The following MYO6 variants were observed in gnomAD, a reference collection of about 807,000 sequenced individuals.
The protein encoded by MYO6 is myosin VI, also known as unconventional myosin-VI.
Under a neutral mutation model 178.7 loss-of-function variants are expected in MYO6, and 74 were observed. The observed-to-expected ratio is 0.41, with a 90% confidence interval of 0.34 to 0.50. The LOEUF is 0.50. Ranked by LOEUF, MYO6 falls within the 20% of genes least tolerant of loss-of-function variation. MYO6 has a pLI of 0.09. For missense variants in MYO6, 1,330 were observed against 1,547.4 expected (o/e 0.86, Z 2.36); for synonymous variants, 477 against 504.6 (o/e 0.95, Z 0.73).
At chr6:75,757,860 A>G (rs1369096731) in intron 1 of MYO6, among the ~76,000 whole-genome samples, 1 of 151,514 alleles carries the variant, frequency 6.6e-6, no homozygotes, top group Non-Finnish European at 1.5e-5. Flanking sequence ...CATAGTGTAC[A>G]TTCATTATTA....
At chr6:75,838,983 T>A (rs116765195) in intron 7 of MYO6, among the ~76,000 whole-genome samples, 2,824 of 151,702 alleles carry the variant, frequency 0.019, 96 homozygotes, top group African/African-American at 0.064. Context: ...TCAGTTTTTT[T>A]ATCCCATCTG....
intron 11 of MYO6, among the ~76,000 whole-genome samples, chr6:75,853,920 A>C: frequency 6.7e-6 from 1 of 148,570 alleles, no homozygotes; most frequent in East Asian, 1.9e-4. Flanking sequence ...AATAGCAACC[A>C]TGTAAGGTAG....
intron 25 of MYO6, among the ~76,000 whole-genome samples, chr6:75,888,328 T>G (rs1465834360): frequency 6.8e-6 from 1 of 146,952 alleles, no homozygotes; most frequent in African/African-American, 2.5e-5. Context: ...TATAAAAAAT[T>G]TGGAGGCCAG....
At chr6:75,850,377 G>A (rs1040769167) in intron 11 of MYO6, among the ~76,000 whole-genome samples, 1 of 152,134 alleles carries the variant, frequency 6.6e-6, no homozygotes, top group South Asian at 2.1e-4. Flanking sequence ...TGAGGTAGGG[G>A]ATATTATCTC....
At chr6:75,874,537 C>G (rs182675852) in intron 20 of MYO6, among the ~76,000 whole-genome samples, 9 of 152,318 alleles carry the variant, frequency 5.9e-5, no homozygotes, top group Admixed American at 5.2e-4. Flanking sequence ...CTTCTGCCTA[C>G]CACTTAACCT....
chr6:75,762,887 T>C (rs1366820615), intron 1 of MYO6, among the ~76,000 whole-genome samples: 8 of 152,220 alleles, frequency 5.3e-5, no homozygotes, highest in African/African-American at 1.7e-4. Context: ...TTAAGTGTAA[T>C]TTAATTTTTT....
At chr6:75,847,371 G>T (rs1192835983) in intron 10 of MYO6, among the ~76,000 whole-genome samples, 3 of 152,150 alleles carry the variant, frequency 2.0e-5, no homozygotes, top group Middle Eastern at 3.4e-3. Context: ...TCTCCAGGAG[G>T]CATCTTTAAT....
At chr6:75,787,106 A>T (rs948494701) in intron 1 of MYO6, among the ~76,000 whole-genome samples, 1 of 152,220 alleles carries the variant, frequency 6.6e-6, no homozygotes, top group Admixed American at 6.5e-5. Flanking sequence ...TTTTGTAAAG[A>T]TGCCTATGCA....
intron 1 of MYO6, among the ~76,000 whole-genome samples, chr6:75,764,128 C>G (rs1778190215): frequency 6.6e-6 from 1 of 152,126 alleles, no homozygotes; most frequent in Non-Finnish European, 1.5e-5. Context: ...TCATGGCAGC[C>G]TCAAACTCCT....
chr6:75,873,569 TAGAAAAGAAA>T (rs141217177), intron 20 of MYO6, among the ~76,000 whole-genome samples: 1 of 152,138 alleles, frequency 6.6e-6, no homozygotes, highest in Non-Finnish European at 1.5e-5. Context: ...AGATCTGTTT[TAGAAAAGAAA>T]AGAAAAGAAA....
chr6:75,874,364 T>C (rs1355437851), intron 20 of MYO6, among the ~76,000 whole-genome samples: 1 of 152,208 alleles, frequency 6.6e-6, no homozygotes, highest in Non-Finnish European at 1.5e-5. Context: ...TTTAAAGGGC[T>C]CTCAAACCTG....
intron 2 of MYO6, among the ~76,000 whole-genome samples, 173 bp downstream of exon 2, chr6:75,817,837 G>A (rs999505539): frequency 6.6e-6 from 1 of 151,990 alleles, no homozygotes; most frequent in African/African-American, 2.4e-5. Context: ...TGTGCCCTAG[G>A]GAAAAAATGG....
chr6:75,861,041 A>G lies in MYO6; in HGVS notation c.1492A>G (p.Lys498Glu). 1.2e-6 allele frequency: 2 copies of G among 1,606,978 alleles called. No individual in the cohort carries two copies. Among genetic ancestry groups the G allele is most frequent in the South Asian group, 1.1e-5 (1 of 90,926 alleles). Residue 498 changes from lysine to glutamate, a missense_variant, in exon 15 of 35, where the codon AAA becomes GAA. Transcript: ENST00000369977. ...ILKEEQELYQ[K>E]EGLGVNEVHY... Reference sequence around the variant, plus strand: ...TTTTTAGGAACAAGAACTCTATCAAAAAGAAGGTTTAGGTGTTAATGAAGT... The same window carrying G: ...TTTTTAGGAACAAGAACTCTATCAAGAAGAAGGTTTAGGTGTTAATGAAGT...
At chr6:75,836,684 G>C (rs1773679928) in intron 7 of MYO6, among the ~76,000 whole-genome samples, 1 of 151,656 alleles carries the variant, frequency 6.6e-6, no homozygotes, top group African/African-American at 2.4e-5. Context: ...CTGGGTTCAG[G>C]TGATTCTCCT....
intron 18 of MYO6, among the ~76,000 whole-genome samples, chr6:75,867,845 A>G (rs1466364446): frequency 6.6e-6 from 1 of 152,176 alleles, no homozygotes; most frequent in Non-Finnish European, 1.5e-5. Context: ...AACACTACTA[A>G]TTGGTTCTAG....
intron 1 of MYO6, among the ~76,000 whole-genome samples, chr6:75,792,874 C>A (rs1267087818): frequency 1.3e-5 from 2 of 152,102 alleles, no homozygotes; most frequent in Non-Finnish European, 1.5e-5. Flanking sequence ...GCCTTGAACT[C>A]CTGGGCTCAG....
chr6:75,901,349 A>ATTCTTCCTACCCATGGATCTTCCATTTGT, intron 30 of MYO6, among the ~76,000 whole-genome samples: 1 of 152,326 alleles, frequency 6.6e-6, no homozygotes, highest in South Asian at 2.1e-4. Flanking sequence ...CACGATATTG[A>ATTCTTCCTACCCATGGATCTTCCATTTGT]TTCTTCCTAC....
intron 1 of MYO6, among the ~76,000 whole-genome samples, chr6:75,807,633 T>C (rs1001147844): frequency 3.9e-5 from 6 of 152,064 alleles, no homozygotes; most frequent in African/African-American, 1.4e-4. Context: ...TTCAGACGAG[T>C]CCATAAAGTG....
chr6:75,874,852 T>A (rs1777443428), intron 20 of MYO6, among the ~76,000 whole-genome samples: 1 of 152,238 alleles, frequency 6.6e-6, no homozygotes, highest in Non-Finnish European at 1.5e-5. Flanking sequence ...CAGGATAATT[T>A]AGCTCCCACC....
Sources: gnomAD v4.1 joint callset for allele counts (sites outside exome capture counted in the v4.1 genomes callset) on GRCh38, gnomAD v4.1.1 for gene constraint, MANE v1.5 for transcripts, NCBI Gene and HGNC (gene_info 2026-07-23, HGNC 2026-07-21) for gene names.